KAT7: variants seen among roughly 807,000 people sequenced by gnomAD.
KAT7 encodes the protein histone acetyltransferase KAT7.
A neutral mutation model predicts 82.1 loss-of-function variants in KAT7; 10 were observed. The observed-to-expected ratio is 0.12, with a 90% CI of 0.08 to 0.21. The LOEUF (loss-of-function observed/expected upper bound fraction) is 0.21. Ranked by LOEUF, KAT7 falls within the 10% of genes least tolerant of loss-of-function variation. The pLI, the probability that KAT7 is intolerant of heterozygous loss-of-function variation, is 1.00. For synonymous variants in KAT7, 250 were observed against 262.5 expected, an observed-to-expected ratio of 0.95 and a Z score of 0.46; for missense variants, 378 against 760.9, an observed-to-expected ratio of 0.50 and a Z score of 5.92.
chr17:49,790,146 T>C (rs1019898512), intron 1 of KAT7, among the ~76,000 whole-genome samples: 7 of 152,180 alleles, frequency 4.6e-5, no homozygotes, highest in Admixed American at 3.9e-4. Flanking sequence ...ATGTACACTT[T>C]TTAATGTCTC....
rs144422137 is a variant in KAT7 at position 49,804,650 on chromosome 17, G to C, written c.581-713G>C. On this transcript the variant is annotated intron_variant, in intron 4 of 14. Coordinates refer to ENST00000259021, the MANE Select transcript of KAT7 (RefSeq NM_007067.5). ...GGGCCCAGCGTGATGTTGTGAGCCT[G>C]TAGTCCCAGCTACTTGGGAGGCTGA... Among the ~76,000 whole-genome samples the C allele has an allele frequency of 6.9e-3, 1,046 of 152,290 alleles. 13 individuals carry two copies. The highest frequency in any genetic ancestry group is 0.024 in the African/African-American group (1,011 of 41,542).
intron 14 of KAT7, 130 bp from the exon 15 acceptor site, chr17:49,827,271 A>AT (rs1010734446): frequency 2.9e-4 from 182 of 625,008 alleles, no homozygotes; most frequent in Non-Finnish European, 4.6e-4. Flanking sequence ...AAAATATAGT[A>AT]TTTTTTTTGA....
chr17:49,795,771 C>G, intron 2 of KAT7: 1 of 225,616 alleles, frequency 4.4e-6, no homozygotes, highest in Non-Finnish European at 9.6e-6. Flanking sequence ...TTCTGGTTCC[C>G]CTACACTAGG....
intron 12 of KAT7, chr17:49,824,351 C>A (rs1368420760): frequency 6.6e-6 from 1 of 151,972 alleles, no homozygotes; most frequent in East Asian, 1.9e-4. Flanking sequence ...CCTTCCAAGC[C>A]TTCTTTCTTT....
At chr17:49,806,007 C>A (rs1347280313) in intron 5 of KAT7, among the ~76,000 whole-genome samples, 4 of 152,182 alleles carry the variant, frequency 2.6e-5, no homozygotes, top group Admixed American at 6.5e-5. Flanking sequence ...TAAGTAGAAG[C>A]TCAGATCCCA....
At position 49,831,268 on chromosome 17, in the gene KAT7, C is replaced by G. The variant is rs2074422930; in HGVS notation, c.*3766C>G. 6.6e-6 allele frequency: 1 copy of G among 152,094 alleles called. No homozygotes were observed. Among genetic ancestry groups the G allele is most frequent in the African/African-American group, 2.4e-5 (1 of 41,388 alleles). The allele number at this position is 152,094 out of a possible 1,614,324, so 9.4% of individuals were successfully genotyped here. On this transcript the variant is annotated 3_prime_UTR_variant, in exon 15 of 15. Transcript: ENST00000259021. ...TCCAGCCTGGGTGACAGAGTGAGAC[C>G]CTGTCTCAAAAACAAAAAACAGAAT...
intron 4 of KAT7, among the ~76,000 whole-genome samples, chr17:49,799,185 G>C (rs769625112): frequency 3.9e-5 from 6 of 152,186 alleles, no homozygotes; most frequent in Non-Finnish European, 7.4e-5. Flanking sequence ...TGCACCTTCA[G>C]TGAGCTGAGG....
chr17:49,819,714 T>C (rs1210320636), intron 9 of KAT7, among the ~76,000 whole-genome samples: 1 of 152,208 alleles, frequency 6.6e-6, no homozygotes, highest in Non-Finnish European at 1.5e-5. Context: ...TTGCTTCAGG[T>C]GTGATCACTG....
chr17:49,790,534 A>G (rs1459060433), intron 1 of KAT7, among the ~76,000 whole-genome samples: 1 of 152,138 alleles, frequency 6.6e-6, no homozygotes, highest in Non-Finnish European at 1.5e-5. Flanking sequence ...ATGCAGGAAT[A>G]ATATTGGTGC....
intron 4 of KAT7, among the ~76,000 whole-genome samples, chr17:49,801,773 A>G (rs1349572101): frequency 6.6e-6 from 1 of 152,228 alleles, no homozygotes; most frequent in Non-Finnish European, 1.5e-5. Context: ...TACAGGCGTG[A>G]GCCACTGCAC....
In KAT7 at chr17:49,792,105, T is replaced by C. The variant is rs2073897715; in HGVS notation, c.163+72T>C. 5 of 1,481,612 alleles carry C rather than the reference T, an allele frequency of 3.4e-6. No homozygotes were observed. In the East Asian group the frequency reaches 1.2e-4, roughly 35 times the overall value. 91.8% of individuals were successfully genotyped at this position (1,481,612 alleles called of 1,614,324 possible). ...CTGGCCCATCACATTATTTTCCTAG[T>C]TAATGTGGAAACTGGCCCCTTGGCT... On this transcript the variant is annotated intron_variant, in intron 2 of 14. Transcript: ENST00000259021.
intron 14 of KAT7, 30 bp downstream of exon 14, chr17:49,826,829 G>T: frequency 7.0e-7 from 1 of 1,425,388 alleles, no homozygotes; most frequent in Non-Finnish European, 9.9e-7. Context: ...CTTGCTCATT[G>T]CTGGATGTCC....
chr17:49,820,272 A>G (rs982145944), intron 9 of KAT7, among the ~76,000 whole-genome samples: 3 of 151,360 alleles, frequency 2.0e-5, no homozygotes, highest in Non-Finnish European at 2.9e-5. Flanking sequence ...TTATACGTCT[A>G]TACTTTTTAA....
chr17:49,808,543 C>T (rs1043377965), intron 5 of KAT7, among the ~76,000 whole-genome samples: 6 of 151,502 alleles, frequency 4.0e-5, no homozygotes, highest in African/African-American at 7.3e-5. Flanking sequence ...TTCTACCTCC[C>T]GGGTTCAAGC....
intron 7 of KAT7, 122 bp from the exon 8 acceptor site, chr17:49,815,681 A>G (rs1000656065): frequency 9.2e-6 from 6 of 654,034 alleles, no homozygotes; most frequent in Admixed American, 2.4e-5. Context: ...CCTAGCACCT[A>G]GTATGTAGGC....
At chr17:49,823,345 A>C (rs752706216) in intron 12 of KAT7, 50 bp downstream of exon 12, 20 of 997,400 alleles carry the variant, frequency 2.0e-5, no homozygotes, top group Non-Finnish European at 2.9e-5. Flanking sequence ...GACCATGTGA[A>C]TATTGTTTGT....
At chr17:49,798,048 T>C (rs1174436334) in intron 3 of KAT7, among the ~76,000 whole-genome samples, 1 of 152,224 alleles carries the variant, frequency 6.6e-6, no homozygotes, top group Non-Finnish European at 1.5e-5. Flanking sequence ...TTCCATCTAG[T>C]TTTGATTATC....
intron 8 of KAT7, 135 bp downstream of exon 8, chr17:49,816,048 G>A: frequency 1.7e-6 from 1 of 602,572 alleles, no homozygotes; most frequent in Non-Finnish European, 3.0e-6. Context: ...TCTCCCAGCT[G>A]TCCCTTTTTG....
chr17:49,810,134 C>G (rs1315951654), intron 6 of KAT7, among the ~76,000 whole-genome samples: 1 of 152,174 alleles, frequency 6.6e-6, no homozygotes, highest in Admixed American at 6.5e-5. Flanking sequence ...TAATGCCTAC[C>G]TGGCAGGGGA....
Sources: allele counts gnomAD v4.1 joint callset (sites outside exome capture counted in the v4.1 genomes callset), GRCh38; gene constraint gnomAD v4.1.1; transcripts MANE v1.5; gene names NCBI Gene and HGNC (gene_info 2026-07-23, HGNC 2026-07-21).